The following CDH12 variants were observed in gnomAD, a reference collection of about 807,000 sequenced individuals.
CDH12 encodes cadherin-12.
A neutral mutation model predicts 74.1 loss-of-function variants in CDH12; 41 were observed. The ratio of observed to expected loss-of-function variants is 0.55; its 90% CI spans 0.43 to 0.72. The LOEUF (loss-of-function observed/expected upper bound fraction) is 0.72, where lower values mean the gene tolerates loss of function less well. Among genes scored for constraint, CDH12 ranks in the 30% least tolerant of loss-of-function variants. The pLI is 0.00. For missense variants in CDH12, 945 were observed against 977.2 expected (o/e 0.97, Z 0.44); for synonymous variants, 399 against 355.0 (o/e 1.12, Z -1.39).
At chr5:22,173,495 T>C (rs1455241251) in intron 4 of CDH12, among the ~76,000 whole-genome samples, 2 of 150,092 alleles carry the variant, frequency 1.3e-5, no homozygotes, top group Admixed American at 6.7e-5. Context: ...TTTAGATATC[T>C]AACCCTTATA....
chr5:22,745,878 A>G lies in CDH12; in HGVS notation c.-523+107180T>C, dbSNP rs566229038. Among the ~76,000 whole-genome samples the G allele has an allele frequency of 1.8e-4, 28 of 152,252 alleles. No individual in the cohort carries two copies. The South Asian group carries it at 3.1e-3, about 17-fold the overall frequency. On this transcript the variant is annotated intron_variant, in intron 1 of 14. Coordinates refer to ENST00000382254, the MANE Select transcript of CDH12 (RefSeq NM_004061.5). ...AAACCACCATGACACATGTTTATCTATGTAAAAGGCCTGCACGTGTACCCC... is the reference window on the plus strand; with the variant it reads ...AAACCACCATGACACATGTTTATCTGTGTAAAAGGCCTGCACGTGTACCCC...
At chr5:22,002,133 T>G (rs1488643190) in intron 5 of CDH12, among the ~76,000 whole-genome samples, 2 of 152,188 alleles carry the variant, frequency 1.3e-5, no homozygotes, top group Admixed American at 1.3e-4. Flanking sequence ...ACTCATTTAG[T>G]TTGCTCTATA....
chr5:22,837,698 A>G (rs1408252460), intron 1 of CDH12, among the ~76,000 whole-genome samples: 1 of 152,230 alleles, frequency 6.6e-6, no homozygotes, highest in African/African-American at 2.4e-5. Flanking sequence ...GGCTTGAGTT[A>G]TACTAGACCA....
At chr5:22,435,340 G>A (rs1744333939) in intron 2 of CDH12, among the ~76,000 whole-genome samples, 1 of 151,460 alleles carries the variant, frequency 6.6e-6, no homozygotes, top group Non-Finnish European at 1.5e-5. Context: ...CTTGCAGATG[G>A]CTTATCGTGA....
chr5:22,050,166 T>C (rs1167791021), intron 5 of CDH12, among the ~76,000 whole-genome samples: 3 of 152,058 alleles, frequency 2.0e-5, no homozygotes, highest in African/African-American at 7.3e-5. Context: ...GATCTTCCTA[T>C]GTAGTATCTC....
intron 7 of CDH12, among the ~76,000 whole-genome samples, chr5:21,848,953 G>C (rs771823647): frequency 2.0e-4 from 30 of 151,744 alleles, no homozygotes; most frequent in Non-Finnish European, 3.5e-4. Flanking sequence ...CAAAGGACCT[G>C]TCAGGTCGTA....
At chr5:22,302,206 A>G (rs1284258334) in intron 3 of CDH12, among the ~76,000 whole-genome samples, 1 of 152,206 alleles carries the variant, frequency 6.6e-6, no homozygotes, top group Non-Finnish European at 1.5e-5. Context: ...GTAAGAAAGA[A>G]ATGAACAAAA....
intron 1 of CDH12, among the ~76,000 whole-genome samples, chr5:22,807,373 A>G (rs2126437308): frequency 6.6e-6 from 1 of 152,254 alleles, no homozygotes; most frequent in Non-Finnish European, 1.5e-5. Context: ...ACATTTTTAG[A>G]CTATTAATCC....
chr5:22,462,541 C>CTG (rs1745564711), intron 2 of CDH12, among the ~76,000 whole-genome samples: 1 of 152,168 alleles, frequency 6.6e-6, no homozygotes, highest in South Asian at 2.1e-4. Flanking sequence ...AGGCTGCCTA[C>CTG]TGTGGTCCCT....
intron 4 of CDH12, chr5:22,151,730 C>G (rs1357239107): frequency 6.6e-6 from 1 of 152,032 alleles, no homozygotes; most frequent in Admixed American, 6.6e-5. Flanking sequence ...ATGATTCAGG[C>G]TTTTAAAAAA....
intron 6 of CDH12, among the ~76,000 whole-genome samples, chr5:21,863,109 A>C (rs565796703): frequency 3.9e-5 from 6 of 152,284 alleles, no homozygotes; most frequent in South Asian, 2.1e-4. Flanking sequence ...ATCTAAACTC[A>C]TTGACATGTT....
At chr5:22,490,987 G>C (rs1286121749) in intron 2 of CDH12, among the ~76,000 whole-genome samples, 3 of 151,956 alleles carry the variant, frequency 2.0e-5, no homozygotes, top group Non-Finnish European at 4.4e-5. Flanking sequence ...ATTTCTATTT[G>C]CTTATTTGTT....
At chr5:22,234,489 T>C (rs1752492188) in intron 3 of CDH12, among the ~76,000 whole-genome samples, 1 of 152,132 alleles carries the variant, frequency 6.6e-6, no homozygotes, top group African/African-American at 2.4e-5. Context: ...CCTCCCACTA[T>C]GATTCTGAGG....
chr5:22,745,516 C>G lies in CDH12; in HGVS notation c.-523+107542G>C, dbSNP rs574195269. Among the ~76,000 whole-genome samples, 3 of 152,214 alleles carry G rather than the reference C, an allele frequency of 2.0e-5. No individual in the cohort carries two copies. In the East Asian group the frequency reaches 5.8e-4, roughly 29 times the overall value. ...ACAATAGCAAAGTCACTAAGTCAAC[C>G]TAAAAGCCCATCAATAATAGACTGG... On this transcript the variant is annotated intron_variant, in intron 1 of 14. Transcript: ENST00000382254.
intron 4 of CDH12, among the ~76,000 whole-genome samples, chr5:22,088,848 C>T (rs1743229749): frequency 1.3e-5 from 2 of 152,114 alleles, no homozygotes; most frequent in Admixed American, 1.3e-4. Flanking sequence ...TGCTTTCTTA[C>T]TACCAACCAC....
chr5:22,567,591 C>T (rs1372243054), intron 1 of CDH12, among the ~76,000 whole-genome samples: 1 of 152,088 alleles, frequency 6.6e-6, no homozygotes, highest in East Asian at 1.9e-4. Flanking sequence ...TGTGGAAAGA[C>T]AATAATTTTT....
chr5:21,828,908 C>T (rs1451728841), intron 8 of CDH12, among the ~76,000 whole-genome samples: 1 of 119,276 alleles, frequency 8.4e-6, no homozygotes, highest in African/African-American at 3.4e-5. Flanking sequence ...AATCCTATGT[C>T]TTTTTTTTTT....
chr5:22,621,689 A>G lies in CDH12; in HGVS notation c.-522-116325T>C, dbSNP rs191479391. On this transcript the variant is annotated intron_variant, in intron 1 of 14. Coordinates refer to ENST00000382254, the MANE Select transcript of CDH12 (RefSeq NM_004061.5). ...TAACATTAGAAATAATAAATACTAC[A>G]GTTGTTGGAGTTTATGCCAATAAAC... 5.7e-3 allele frequency among the ~76,000 whole-genome samples: 868 copies of G among 152,222 alleles called. 8 individuals are homozygous for G. Among genetic ancestry groups the G allele is most frequent in the African/African-American group, 0.02 (839 of 41,566 alleles).
intron 1 of CDH12, among the ~76,000 whole-genome samples, chr5:22,819,040 A>G (rs537294044): frequency 6.6e-6 from 1 of 152,300 alleles, no homozygotes; most frequent in South Asian, 2.1e-4. Flanking sequence ...CTTAATAAAA[A>G]TAAATTTAAA....
Sources: allele counts gnomAD v4.1 joint callset (sites outside exome capture counted in the v4.1 genomes callset), GRCh38; gene constraint gnomAD v4.1.1; transcripts MANE v1.5; gene names NCBI Gene and HGNC (gene_info 2026-07-23, HGNC 2026-07-21).